The following ARHGEF6 variants were observed in gnomAD, a reference collection of about 807,000 sequenced individuals.
The protein encoded by ARHGEF6 is rho guanine nucleotide exchange factor 6.
In ARHGEF6, 9 loss-of-function variants were observed where a neutral mutation model predicts 70.3. The observed-to-expected ratio is 0.13, with a 90% CI of 0.08 to 0.22. The LOEUF (loss-of-function observed/expected upper bound fraction) is 0.22. Among genes scored for constraint, ARHGEF6 ranks in the 10% least tolerant of loss-of-function variants. The probability of loss-of-function intolerance (pLI) is 1.00; values close to 1 mark genes in which losing one functional copy is unlikely to be tolerated. For missense variants in ARHGEF6, 470 were observed against 563.0 expected (o/e 0.83, Z 1.67); for synonymous variants, 201 against 207.8 (o/e 0.97, Z 0.28).
intron 5 of ARHGEF6, among the ~76,000 whole-genome samples, chrX:136,738,987 C>T (rs1418203834): frequency 9.0e-6 from 1 of 111,640 alleles, no homozygotes; most frequent in Non-Finnish European, 1.9e-5. Flanking sequence ...CTGGTTATTC[C>T]TACCACTTCC....
At chrX:136,703,353 T>C (rs1476611204) in intron 9 of ARHGEF6, among the ~76,000 whole-genome samples, 3 of 112,199 alleles carry the variant, frequency 2.7e-5, no homozygotes, top group Non-Finnish European at 5.6e-5. Flanking sequence ...CACACCTCAT[T>C]TTATTGCAGT....
At chrX:136,723,811 G>A (rs1472959215) in intron 6 of ARHGEF6, among the ~76,000 whole-genome samples, 1 of 110,805 alleles carries the variant, frequency 9.0e-6, no homozygotes, top group East Asian at 2.8e-4. Flanking sequence ...TGTAATCCCA[G>A]CTACTTGGAA....
intron 20 of ARHGEF6, 53 bp downstream of exon 20, chrX:136,671,967 C>T: frequency 1.9e-6 from 2 of 1,029,935 alleles, no homozygotes; most frequent in South Asian, 3.8e-5. Flanking sequence ...TCCTACCAGA[C>T]CTTCTTGCCA....
chrX:136,684,615 A>T (rs1226875425), intron 12 of ARHGEF6, among the ~76,000 whole-genome samples: 2 of 107,877 alleles, frequency 1.9e-5, no homozygotes, highest in East Asian at 6.1e-4. Flanking sequence ...TCTGTTAGGG[A>T]CATCTAAGTC....
At position 136,675,109 on chromosome X, in the gene ARHGEF6, A is replaced by T; in HGVS notation, c.1946-13T>A. 1 of 1,185,959 alleles carries T rather than the reference A, an allele frequency of 8.4e-7. No individual in the cohort carries two copies. On this transcript the variant is annotated splice_polypyrimidine_tract_variant and intron_variant, in intron 18 of 21. Coordinates refer to ENST00000250617, the MANE Select transcript of ARHGEF6 (RefSeq NM_004840.3). Reference sequence around the variant, plus strand: ...AGAGCAGCTGTACCTGTGAAATTTAATTCATCATGACTTTTCATAGATATA... The same window carrying T: ...AGAGCAGCTGTACCTGTGAAATTTATTTCATCATGACTTTTCATAGATATA...
chrX:136,717,809 TG>T (rs940633701), intron 6 of ARHGEF6, among the ~76,000 whole-genome samples: 7 of 111,473 alleles, frequency 6.3e-5, no homozygotes, highest in Admixed American at 2.9e-4. Context: ...GAAAGTGAAC[TG>T]GGACTAGCTA....
intron 19 of ARHGEF6, among the ~76,000 whole-genome samples, chrX:136,673,834 T>TTC (rs911839914): frequency 2.8e-5 from 3 of 108,550 alleles, no homozygotes; most frequent in Non-Finnish European, 5.8e-5. Flanking sequence ...CTCTCTCTCT[T>TTC]TCTCTCTCTC....
Position 136,708,857 on chromosome X carries a change from A to G in ARHGEF6, c.828-87T>C, listed in dbSNP as rs770269158. On this transcript the variant is annotated intron_variant, in intron 7 of 21. Transcript: ENST00000250617. Reference sequence around the variant, plus strand: ...AATATATGGTAAATAAAAGGGAGGTAATACCTATATTTTAACTTTTGCTTT... The same window carrying G: ...AATATATGGTAAATAAAAGGGAGGTGATACCTATATTTTAACTTTTGCTTT... 2.3e-4 allele frequency: 150 copies of G among 665,545 alleles called. No homozygotes were observed. In the African/African-American group the frequency reaches 3.0e-3, roughly 13 times the overall value. The allele number at this position is 665,545 out of a possible 1,213,427, so 54.8% of individuals were successfully genotyped here. A position where few individuals can be genotyped will look rare whatever the true frequency, so the allele number is the denominator to read the frequency against.
chrX:136,688,658 A>AAAAC (rs766856493), intron 10 of ARHGEF6, among the ~76,000 whole-genome samples: 68 of 111,332 alleles, frequency 6.1e-4, no homozygotes, highest in Non-Finnish European at 4.5e-4. Context: ...ACCCTGTCTC[A>AAAAC]AAACAAACAA....
intron 9 of ARHGEF6, among the ~76,000 whole-genome samples, chrX:136,704,577 C>T (rs1941086035): frequency 9.0e-6 from 1 of 111,568 alleles, no homozygotes; most frequent in African/African-American, 3.3e-5. Context: ...AGGAAACTTA[C>T]AATCATGGTG....
intron 5 of ARHGEF6, 69 bp from the exon 6 acceptor site, chrX:136,732,241 C>A: frequency 2.5e-6 from 2 of 797,679 alleles, no homozygotes; most frequent in South Asian, 4.4e-5. Context: ...TAACATGGGT[C>A]AACTAACATA....
chrX:136,713,814 A>G (rs1291727407), intron 6 of ARHGEF6, among the ~76,000 whole-genome samples: 1 of 112,123 alleles, frequency 8.9e-6, no homozygotes, highest in Admixed American at 9.4e-5. Context: ...TGTGCTGTAA[A>G]TGATTTTATC....
Position 136,736,366 on chromosome X carries a change from A to T in ARHGEF6, c.662-4194T>A, listed in dbSNP as rs7057908. 2.2e-3 allele frequency among the ~76,000 whole-genome samples: 241 copies of T among 111,975 alleles called. 1 individual carries two copies. Among genetic ancestry groups the T allele is most frequent in the African/African-American group, 7.6e-3 (233 of 30,820 alleles). ...AGAGCAAAGTCCCTTAATATATGTT[A>T]TGTAACTTATATAATGACTAAGTTA... On this transcript the variant is annotated intron_variant, in intron 5 of 21. Transcript: ENST00000250617.
chrX:136,759,932 C>T (rs1669474185), intron 2 of ARHGEF6, among the ~76,000 whole-genome samples: 2 of 111,966 alleles, frequency 1.8e-5, no homozygotes, highest in Non-Finnish European at 3.8e-5. Flanking sequence ...GCCAGAAGTC[C>T]AATAGAAATG....
chrX:136,768,964 A>G (rs2077343239), intron 2 of ARHGEF6, among the ~76,000 whole-genome samples: 2 of 105,499 alleles, frequency 1.9e-5, no homozygotes, highest in Admixed American at 1.0e-4. Flanking sequence ...GAAAGAAAGA[A>G]AGAGAGAGGG....
intron 18 of ARHGEF6, among the ~76,000 whole-genome samples, chrX:136,676,073 G>A (rs760545121): frequency 8.9e-6 from 1 of 112,181 alleles, no homozygotes; most frequent in South Asian, 3.7e-4. Flanking sequence ...TCCTTCACAT[G>A]TGTCCCAAAG....
Position 136,667,037 on chromosome X carries a change from A to G in ARHGEF6, c.*992T>C, listed in dbSNP as rs1338898959. 8.9e-6 allele frequency: 1 copy of G among 112,875 alleles called. No homozygotes were observed. The highest frequency in any genetic ancestry group is 1.9e-5 in the Non-Finnish European group (1 of 53,397). The allele number at this position is 112,875 out of a possible 1,213,427, so 9.3% of individuals were successfully genotyped here. Reference sequence around the variant, plus strand: ...ATCTTCTTAATGCAGATTGTTTTGAAGGATAAAACATCACAGTTTGAATAT... The same window carrying G: ...ATCTTCTTAATGCAGATTGTTTTGAGGGATAAAACATCACAGTTTGAATAT... On this transcript the variant is annotated 3_prime_UTR_variant, in exon 22 of 22. Coordinates refer to ENST00000250617, the MANE Select transcript of ARHGEF6 (RefSeq NM_004840.3).
intron 2 of ARHGEF6, among the ~76,000 whole-genome samples, chrX:136,756,522 C>A (rs1397401674): frequency 8.9e-6 from 1 of 111,776 alleles, no homozygotes; most frequent in South Asian, 3.7e-4. Context: ...ACAAGCCACC[C>A]TCCCCTGTTC....
At chrX:136,772,439 G>T (rs1021630366) in intron 2 of ARHGEF6, among the ~76,000 whole-genome samples, 1 of 112,349 alleles carries the variant, frequency 8.9e-6, no homozygotes, top group Non-Finnish European at 1.9e-5. Context: ...ATGCTTGAGG[G>T]TATGGATACC....
Sources: gnomAD v4.1 joint callset for allele counts (sites outside exome capture counted in the v4.1 genomes callset) on GRCh38, gnomAD v4.1.1 for gene constraint, MANE v1.5 for transcripts, NCBI Gene and HGNC (gene_info 2026-07-23, HGNC 2026-07-21) for gene names.